Variants in NAALADL2 observed in about 807,000 individuals in gnomAD.
NAALADL2 encodes the protein N-acetylated alpha-linked acidic dipeptidase like 2, also known as inactive N-acetylated-alpha-linked acidic dipeptidase-like protein 2.
Under a neutral mutation model 87.2 loss-of-function variants are expected in NAALADL2, and 76 were observed. The observed-to-expected ratio is 0.87, with a 90% CI of 0.72 to 1.05. The LOEUF is 1.05. Among genes scored for constraint, NAALADL2 ranks in the 50% least tolerant of loss-of-function variants. The pLI is 0.00. For synonymous variants in NAALADL2, 354 were observed against 331.0 expected, an observed-to-expected ratio of 1.07 and a Z score of -0.75; for missense variants, 1,089 against 945.8, an observed-to-expected ratio of 1.15 and a Z score of -1.99.
At chr3:175,488,086 G>C (rs1312891460) in intron 9 of NAALADL2, among the ~76,000 whole-genome samples, 1 of 152,130 alleles carries the variant, frequency 6.6e-6, no homozygotes, top group African/African-American at 2.4e-5. Context: ...GAATAGCTGA[G>C]ATATTCTCTT....
At chr3:175,142,955 T>C (rs1467281416) in intron 2 of NAALADL2, among the ~76,000 whole-genome samples, 1 of 151,960 alleles carries the variant, frequency 6.6e-6, no homozygotes, top group Non-Finnish European at 1.5e-5. Flanking sequence ...TATTGAAAAG[T>C]GTTTGTTTTA....
intron 3 of NAALADL2, among the ~76,000 whole-genome samples, chr3:174,746,477 A>G (rs1734263946): frequency 6.6e-6 from 1 of 152,216 alleles, no homozygotes; most frequent in South Asian, 2.1e-4. Flanking sequence ...GGTAGGAAGA[A>G]TCAATATTGT....
chr3:175,542,861 C>G (rs185046182), intron 9 of NAALADL2, among the ~76,000 whole-genome samples: 1 of 152,160 alleles, frequency 6.6e-6, no homozygotes, highest in Non-Finnish European at 1.5e-5. Context: ...CTTCAAATGC[C>G]TTATTCTTTA....
At chr3:174,543,289 T>C (rs1578131347) in intron 1 of NAALADL2, among the ~76,000 whole-genome samples, 2 of 152,144 alleles carry the variant, frequency 1.3e-5, no homozygotes, top group East Asian at 3.9e-4. Flanking sequence ...GTGGGTGTTA[T>C]GCAGTAGATG....
chr3:175,473,683 TAA>T (rs1372977402), intron 9 of NAALADL2, among the ~76,000 whole-genome samples: 2 of 151,916 alleles, frequency 1.3e-5, no homozygotes, highest in Admixed American at 1.3e-4. Context: ...CTATAAGTGT[TAA>T]GAGATACGAA....
At chr3:174,693,800 A>T (rs1028157152) in intron 2 of NAALADL2, among the ~76,000 whole-genome samples, 2 of 152,206 alleles carry the variant, frequency 1.3e-5, no homozygotes, top group South Asian at 2.1e-4. Flanking sequence ...GTTTATAGAG[A>T]GTGTGTACAT....
rs144266807 is a variant in NAALADL2 at position 174,836,343 on chromosome 3, G to A, written c.-9+98597G>A. Among the ~76,000 whole-genome samples, 18 of 152,228 alleles carry A rather than the reference G, an allele frequency of 1.2e-4. 1 individual carries two copies. The East Asian group carries it at 3.5e-3, about 29-fold the overall frequency. On this transcript the variant is annotated intron_variant, in intron 3 of 3. Coordinates refer to the NAALADL2 transcript ENST00000434257. ...TGTAGGCTGAGGGAAGGGAAAAATG[G>A]TGAGCTGTTTAATGGGTATAGCGTT...
chr3:175,765,384 A>G (rs1748556175), intron 13 of NAALADL2, among the ~76,000 whole-genome samples: 1 of 152,126 alleles, frequency 6.6e-6, no homozygotes, highest in Non-Finnish European at 1.5e-5. Flanking sequence ...AACCAGATTA[A>G]TATGCCAAAA....
intron 1 of NAALADL2, among the ~76,000 whole-genome samples, chr3:174,933,736 T>C (rs761655156): frequency 3.1e-4 from 47 of 152,194 alleles, no homozygotes; most frequent in Non-Finnish European, 6.3e-4. Context: ...CTAGGATATC[T>C]TTCGTTTTTA....
intron 1 of NAALADL2, among the ~76,000 whole-genome samples, chr3:174,472,692 A>G (rs1716978575): frequency 6.6e-6 from 1 of 151,860 alleles, no homozygotes; most frequent in African/African-American, 2.4e-5. Flanking sequence ...TATTTTTTTC[A>G]TCATCTGGAA....
intron 1 of NAALADL2, among the ~76,000 whole-genome samples, chr3:174,957,819 G>A (rs1357184548): frequency 6.6e-6 from 1 of 151,986 alleles, no homozygotes; most frequent in Non-Finnish European, 1.5e-5. Context: ...GAGGCTCAGT[G>A]TGTCTAAATT....
At chr3:175,205,165 G>C (rs774605903) in intron 2 of NAALADL2, among the ~76,000 whole-genome samples, 1 of 152,026 alleles carries the variant, frequency 6.6e-6, no homozygotes, top group South Asian at 2.1e-4. Flanking sequence ...TAAGCAAAAA[G>C]AACAAATCTA....
chr3:175,057,275 A>C (rs1401279326), intron 1 of NAALADL2, among the ~76,000 whole-genome samples: 1 of 152,168 alleles, frequency 6.6e-6, no homozygotes, highest in Non-Finnish European at 1.5e-5. Context: ...AGTCACGATC[A>C]ACCTGACAAA....
chr3:175,034,091 T>C (rs1753113107), intron 1 of NAALADL2, among the ~76,000 whole-genome samples: 1 of 152,194 alleles, frequency 6.6e-6, no homozygotes, highest in Non-Finnish European at 1.5e-5. Context: ...TCTCATGCCA[T>C]GTATAATCCA....
intron 9 of NAALADL2, among the ~76,000 whole-genome samples, chr3:175,552,201 T>C (rs981954864): frequency 2.0e-5 from 3 of 152,030 alleles, no homozygotes; most frequent in Non-Finnish European, 4.4e-5. Context: ...ATAAAGAAAA[T>C]ATTTGTTAAG....
chr3:175,284,695 A>G (rs952677114), intron 4 of NAALADL2, among the ~76,000 whole-genome samples: 4 of 152,170 alleles, frequency 2.6e-5, no homozygotes, highest in African/African-American at 9.6e-5. Context: ...AAAAGAAATT[A>G]AAATAATAAT....
chr3:175,764,300 G>A (rs960083973), intron 13 of NAALADL2, among the ~76,000 whole-genome samples: 1 of 151,962 alleles, frequency 6.6e-6, no homozygotes, highest in African/African-American at 2.4e-5. Context: ...GTTTCTTTGG[G>A]AAAACACTTC....
At chr3:175,707,442 G>A (rs1299569925) in intron 11 of NAALADL2, among the ~76,000 whole-genome samples, 1 of 151,998 alleles carries the variant, frequency 6.6e-6, no homozygotes, top group African/African-American at 2.4e-5. Context: ...TTTACATGAG[G>A]GCTTTAGTTT....
chr3:174,457,600 C>G (rs1715926799), intron 1 of NAALADL2, among the ~76,000 whole-genome samples: 1 of 152,154 alleles, frequency 6.6e-6, no homozygotes, highest in Non-Finnish European at 1.5e-5. Flanking sequence ...CTGAGGTGGG[C>G]AGATCATGAG....
Sources: gnomAD v4.1 joint callset for allele counts (sites outside exome capture counted in the v4.1 genomes callset) on GRCh38, gnomAD v4.1.1 for gene constraint, MANE v1.5 for transcripts, NCBI Gene and HGNC (gene_info 2026-07-23, HGNC 2026-07-21) for gene names.